Variants in PPP2R5C observed in about 807,000 individuals in gnomAD.
The protein encoded by PPP2R5C is protein phosphatase 2 regulatory subunit B'gamma.
PPP2R5C carries 7 observed loss-of-function variants against 68.9 expected under a neutral mutation model. That is an observed-to-expected ratio of 0.10 (90% CI 0.06 to 0.19). The LOEUF is 0.19. Ranked by LOEUF, PPP2R5C falls within the 10% of genes least tolerant of loss-of-function variation. PPP2R5C has a pLI of 1.00. For missense variants in PPP2R5C, 348 were observed against 641.3 expected, an observed-to-expected ratio of 0.54 and a Z score of 4.94; for synonymous variants, 210 against 222.2, an observed-to-expected ratio of 0.95 and a Z score of 0.49.
intron 2 of PPP2R5C, among the ~76,000 whole-genome samples, chr14:101,773,376 G>C (rs1047494546): frequency 5.9e-5 from 9 of 152,074 alleles, no homozygotes; most frequent in African/African-American, 2.2e-4. Context: ...AGATTGGGAG[G>C]CTGCTTCAGG....
At chr14:101,924,893 C>T (rs2047214568) in intron 13 of PPP2R5C, among the ~76,000 whole-genome samples, 1 of 152,188 alleles carries the variant, frequency 6.6e-6, no homozygotes, top group African/African-American at 2.4e-5. Flanking sequence ...AAGCACTGCA[C>T]ATTTCAGAAG....
In PPP2R5C at chr14:101,901,899, G is replaced by T; in HGVS notation, c.1023+10G>T. The T allele has an allele frequency of 6.2e-7, 1 of 1,611,782 alleles. No individual in the cohort carries two copies. Among genetic ancestry groups the T allele is most frequent in the Non-Finnish European group, 8.5e-7 (1 of 1,178,250 alleles). ...CAGCCCACACTTCCAGGTATGTGGG[G>T]CTTGGGGGACCTGATTAAATTCTTC... On this transcript the variant is annotated intron_variant, in intron 9 of 13. Transcript: ENST00000334743.
At chr14:101,800,174 A>G (rs2038796577) in intron 3 of PPP2R5C, among the ~76,000 whole-genome samples, 1 of 152,188 alleles carries the variant, frequency 6.6e-6, no homozygotes, top group Admixed American at 6.5e-5. Flanking sequence ...ACTTGAGCTC[A>G]GGATGCTGAG....
intron 5 of PPP2R5C, among the ~76,000 whole-genome samples, chr14:101,884,896 G>A (rs1317686826): frequency 1.3e-5 from 2 of 152,252 alleles, no homozygotes; most frequent in African/African-American, 4.8e-5. Context: ...CCCCACTGCG[G>A]TGGCACCAAG....
intron 1 of PPP2R5C, among the ~76,000 whole-genome samples, chr14:101,813,579 A>G (rs2039491807): frequency 6.6e-6 from 1 of 152,216 alleles, no homozygotes; most frequent in Non-Finnish European, 1.5e-5. Flanking sequence ...CCCACCCTGC[A>G]GCGCATGCTC....
chr14:101,862,614 T>TGTTGACAATGTGAGACCAGACAAA (rs2042814170), intron 2 of PPP2R5C, among the ~76,000 whole-genome samples: 1 of 152,198 alleles, frequency 6.6e-6, no homozygotes, highest in African/African-American at 2.4e-5. Context: ...CTACATTGTC[T>TGTTGACAATGTGAGACCAGACAAA]GTGTGAGACC....
chr14:101,806,077 C>T (rs1190086831), upstream of PPP2R5C, among the ~76,000 whole-genome samples: 3 of 152,050 alleles, frequency 2.0e-5, no homozygotes, highest in Non-Finnish European at 2.9e-5. Flanking sequence ...TATTTTAGCA[C>T]AATTTTTATT....
upstream of PPP2R5C, among the ~76,000 whole-genome samples, chr14:101,809,464 A>G (rs2039222073): frequency 6.6e-6 from 1 of 151,612 alleles, no homozygotes; most frequent in Non-Finnish European, 1.5e-5. Context: ...AATTAGAACT[A>G]GCAAGTCGAA....
chr14:101,783,487 G>C (rs1377348876), intron 2 of PPP2R5C, among the ~76,000 whole-genome samples: 1 of 151,604 alleles, frequency 6.6e-6, no homozygotes, highest in Non-Finnish European at 1.5e-5. Context: ...GGGCTGGGCA[G>C]AGCAGGCAGA....
rs1334929360 is a variant in PPP2R5C at position 101,889,948 on chromosome 14, G to A, written c.630-289G>A. The A allele has an allele frequency of 9.4e-6, 5 of 533,814 alleles. No homozygotes were observed. The East Asian group carries it at 2.3e-4, about 25-fold the overall frequency. The allele number at this position is 533,814 out of a possible 1,614,324, so 33.1% of individuals were successfully genotyped here. The stretch of plus-strand genomic sequence containing the variant: ...GTGGTCGAATCTGGTGGTTGAAATG[G>A]GTGTTCACTGTAGAATTCTTTCCGT... On this transcript the variant is annotated intron_variant, in intron 5 of 13. Coordinates refer to ENST00000334743, the Ensembl canonical transcript of PPP2R5C.
chr14:101,770,924 G>A (rs1430104617), intron 2 of PPP2R5C, among the ~76,000 whole-genome samples: 2 of 152,230 alleles, frequency 1.3e-5, no homozygotes, highest in African/African-American at 2.4e-5. Flanking sequence ...ATTTCAATTC[G>A]AAGATGGGTC....
intron 2 of PPP2R5C, among the ~76,000 whole-genome samples, chr14:101,768,206 T>C (rs1348324518): frequency 6.6e-6 from 1 of 152,170 alleles, no homozygotes; most frequent in South Asian, 2.1e-4. Context: ...AATCGCCCCC[T>C]GTTGAGCCAC....
Position 101,797,826 on chromosome 14 carries a change from C to T in PPP2R5C, c.259+11643C>T, listed in dbSNP as rs571145343. ...TAGCTGTAGGAAGTATGAAAGTAAC[C>T]AAGGTCTCACACACAGCCCCAGCAC... On this transcript the variant is annotated intron_variant, in intron 3 of 14. Transcript: ENST00000328724. This position sits in a 1 kb window ranked among gnomAD's most constrained non-coding sequence, Gnocchi z 4.2. 1.3e-5 allele frequency: 2 copies of T among 155,060 alleles called. No homozygotes were observed. The highest frequency in any genetic ancestry group is 3.8e-4 in the East Asian group (2 of 5,244). 9.6% of individuals were successfully genotyped at this position (155,060 alleles called of 1,614,324 possible).
intron 1 of PPP2R5C, among the ~76,000 whole-genome samples, chr14:101,842,389 G>A (rs2041531033): frequency 6.6e-6 from 1 of 152,212 alleles, no homozygotes; most frequent in Non-Finnish European, 1.5e-5. Flanking sequence ...GGCTCTCAGT[G>A]GCTACGTTGC....
intron 1 of PPP2R5C, chr14:101,831,911 A>G (rs1302887966): frequency 1.9e-5 from 11 of 582,958 alleles, no homozygotes; most frequent in African/African-American, 1.8e-4. Context: ...TTGTTATTTA[A>G]GCAGCAATAT....
rs867780566 is a variant in PPP2R5C, at chr14:101,877,080, C to A, written c.295-5081C>A. Among the ~76,000 whole-genome samples the A allele has an allele frequency of 2.6e-5, 4 of 151,314 alleles. No individual in the cohort carries two copies. In the Middle Eastern group the frequency reaches 0.014, roughly 515 times the overall value. ...TCTCCTGCCTCAGCCTCCCGAGTAG[C>A]TGGGATTACAGGCACCCACCACCAC... is the stretch of plus-strand genomic sequence containing the variant. On this transcript the variant is annotated intron_variant, in intron 2 of 13. Transcript: ENST00000334743. The surrounding 1 kb of genome is among the most constrained non-coding windows in gnomAD (Gnocchi z 4.2).
intron 9 of PPP2R5C, among the ~76,000 whole-genome samples, chr14:101,905,457 G>A (rs772937234): frequency 2.3e-4 from 35 of 152,002 alleles, no homozygotes; most frequent in Admixed American, 1.6e-3. Flanking sequence ...TCAGGAGTTC[G>A]AGACCAACCT....
At chr14:101,791,654 G>GTT (rs146308156) in intron 3 of PPP2R5C, among the ~76,000 whole-genome samples, 1 of 145,984 alleles carries the variant, frequency 6.9e-6, no homozygotes, top group African/African-American at 2.5e-5. Flanking sequence ...TAATTTCAGG[G>GTT]TTTTTTTTTT....
rs1304299081 is a variant in PPP2R5C at position 101,912,490 on chromosome 14, T to A, written c.1326+17T>A. Reference sequence around the variant, plus strand: ...AATCCCCAGGTACTAAAAAAGAGAATAACATGAAAACGCCCAGGGTTACTT... The same window carrying A: ...AATCCCCAGGTACTAAAAAAGAGAAAAACATGAAAACGCCCAGGGTTACTT... On this transcript the variant is annotated intron_variant, in intron 12 of 13. Transcript: ENST00000334743. 1 of 1,597,386 alleles carries A rather than the reference T, an allele frequency of 6.3e-7. No homozygotes were observed. Among genetic ancestry groups the A allele is most frequent in the Non-Finnish European group, 8.5e-7 (1 of 1,175,218 alleles).
Sources: gnomAD v4.1 joint callset for allele counts (sites outside exome capture counted in the v4.1 genomes callset) on GRCh38, gnomAD v4.1.1 for gene constraint, Gnocchi (gnomAD v3.1) non-coding constraint, MANE v1.5 for transcripts, NCBI Gene and HGNC (gene_info 2026-07-23, HGNC 2026-07-21) for gene names.